The following DYTN variants were observed in gnomAD, a reference collection of about 807,000 sequenced individuals.
The protein encoded by DYTN is dystrotelin.
A neutral mutation model predicts 69.6 loss-of-function variants in DYTN; 75 were observed. The ratio of observed to expected loss-of-function variants is 1.08; its 90% confidence interval spans 0.89 to 1.31. The LOEUF (loss-of-function observed/expected upper bound fraction) is 1.31, where lower values mean the gene tolerates loss of function less well. DYTN is among the 50% of genes most tolerant of loss of function. The pLI, the probability that DYTN is intolerant of heterozygous loss-of-function variation, is 0.00. For synonymous variants in DYTN, 252 were observed against 249.1 expected (o/e 1.01, Z -0.11); for missense variants, 726 against 688.4 (o/e 1.05, Z -0.61).
At chr2:206,681,726 C>A (rs984731737) in intron 9 of DYTN, among the ~76,000 whole-genome samples, 1 of 152,080 alleles carries the variant, frequency 6.6e-6, no homozygotes, top group African/African-American at 2.4e-5. Context: ...GGGATGAAAC[C>A]AACTTGATTG....
intron 9 of DYTN, among the ~76,000 whole-genome samples, chr2:206,683,390 CTGG>C (rs1443041364): frequency 7.3e-6 from 1 of 137,794 alleles, no homozygotes; most frequent in Non-Finnish European, 1.5e-5. Flanking sequence ...GTCACCCAGG[CTGG>C]AGTGCAGTGG....
chr2:206,652,057 G>T, intron 11 of DYTN, 136 bp from the exon 12 acceptor site: 3 of 713,246 alleles, frequency 4.2e-6, no homozygotes, highest in East Asian at 2.8e-5. Flanking sequence ...CCTTAAGTTA[G>T]CCAGCAAATA....
intron 3 of DYTN, among the ~76,000 whole-genome samples, chr2:206,706,750 T>C (rs1700031538): frequency 6.6e-6 from 1 of 152,078 alleles, no homozygotes; most frequent in Non-Finnish European, 1.5e-5. Flanking sequence ...GCAGAGGAAT[T>C]GAAACCTTAC....
At chr2:206,700,670 G>A (rs1574601261) in intron 5 of DYTN, among the ~76,000 whole-genome samples, 2 of 151,554 alleles carry the variant, frequency 1.3e-5, no homozygotes, top group East Asian at 3.9e-4. Flanking sequence ...AGATATACAT[G>A]TGCCATGGTG....
At chr2:206,651,961 C>G in intron 11 of DYTN, 40 bp from the exon 12 acceptor site, 2 of 1,554,318 alleles carry the variant, frequency 1.3e-6, no homozygotes, top group East Asian at 4.5e-5. Flanking sequence ...GAGAAACATA[C>G]CGGTAGCTTC....
intron 9 of DYTN, among the ~76,000 whole-genome samples, chr2:206,682,820 C>T (rs1364000267): frequency 6.6e-6 from 1 of 152,096 alleles, no homozygotes; most frequent in Non-Finnish European, 1.5e-5. Context: ...CTGTAGCCTC[C>T]CCATCTCGGT....
At position 206,704,912 on chromosome 2, in the gene DYTN, C is replaced by T. The variant is rs749429198; in HGVS notation, c.414G>A (p.Arg138=). Reference sequence around the variant, plus strand: ...TGCGTGGCCCAGAATCATAGCCTCCCCTGCTATTTTCTGCATAGAGTTGAA... The same window carrying T: ...TGCGTGGCCCAGAATCATAGCCTCCTCTGCTATTTTCTGCATAGAGTTGAA... ...ALFQLYAENS[R]GGYDSGPRMT... is the part of the protein sequence containing the mutation. The change falls in exon 5 of 12, where the codon AGG becomes AGA. Residue 138 remains arginine, a synonymous_variant. Coordinates refer to ENST00000452335, the MANE Select transcript of DYTN (RefSeq NM_001093730.1). The T allele has an allele frequency of 1.2e-6, 2 of 1,613,774 alleles. No homozygotes were observed. Among genetic ancestry groups the T allele is most frequent in the Non-Finnish European group, 1.7e-6 (2 of 1,179,814 alleles).
At chr2:206,709,108 T>C (rs1700054801) in intron 2 of DYTN, among the ~76,000 whole-genome samples, 1 of 152,182 alleles carries the variant, frequency 6.6e-6, no homozygotes, top group Admixed American at 6.5e-5. Flanking sequence ...TACATAAAAC[T>C]GTTTTTAAAA....
intron 2 of DYTN, among the ~76,000 whole-genome samples, chr2:206,708,811 A>T (rs974723408): frequency 2.0e-5 from 3 of 152,214 alleles, no homozygotes; most frequent in Non-Finnish European, 4.4e-5. Flanking sequence ...AACATTTTTC[A>T]ACCACTGATT....
intron 1 of DYTN, among the ~76,000 whole-genome samples, chr2:206,711,135 C>T (rs1700075395): frequency 6.6e-6 from 1 of 152,210 alleles, no homozygotes; most frequent in African/African-American, 2.4e-5. Context: ...AACCACCAAA[C>T]TGTTAACAGT....
At position 206,708,423 on chromosome 2, in the gene DYTN, G is replaced by C. The variant is rs544383428; in HGVS notation, c.95-920C>G. Among the ~76,000 whole-genome samples the C allele has an allele frequency of 2.9e-4, 44 of 152,258 alleles. No homozygotes were observed. In the South Asian group the frequency reaches 7.1e-3, roughly 24 times the overall value. ...CTCTCTACTTCGTAAATCAACCTCA[G>C]ATAAGAAATCTAGCAAGTATAATAA... On this transcript the variant is annotated intron_variant, in intron 2 of 11. Transcript: ENST00000452335.
chr2:206,707,355 C>T lies in DYTN; in HGVS notation c.243G>A (p.Val81=), dbSNP rs1700037450. The change falls in exon 3 of 12, where the codon GTG becomes GTA. Residue 81 remains valine, a synonymous_variant. Coordinates refer to ENST00000452335, the MANE Select transcript of DYTN (RefSeq NM_001093730.1). Reference sequence around the variant, plus strand: ...GAGTGAGTTCCGGAGCTCTGGGATGCACTTGTCCTGGGTTTTCCTCCCTGG... The same window carrying T: ...GAGTGAGTTCCGGAGCTCTGGGATGTACTTGTCCTGGGTTTTCCTCCCTGG... ...QKAREENPGQ[V]HPRAPELTLS... 6.2e-7 allele frequency: 1 copy of T among 1,612,656 alleles called. No homozygotes were observed. The highest frequency in any genetic ancestry group is 1.3e-5 in the African/African-American group (1 of 74,874).
intron 9 of DYTN, among the ~76,000 whole-genome samples, chr2:206,667,150 A>C (rs903441435): frequency 6.6e-6 from 1 of 152,138 alleles, no homozygotes; most frequent in African/African-American, 2.4e-5. Flanking sequence ...CTCCCTCTTC[A>C]TTTAGAGTAA....
At chr2:206,668,741 T>G (rs535406406) in intron 9 of DYTN, among the ~76,000 whole-genome samples, 19 of 152,332 alleles carry the variant, frequency 1.2e-4, no homozygotes, top group Non-Finnish European at 2.6e-4. Flanking sequence ...AATTTCATCT[T>G]GAATTGTAAT....
chr2:206,708,616 G>A (rs1456830683), intron 2 of DYTN, among the ~76,000 whole-genome samples: 2 of 152,148 alleles, frequency 1.3e-5, no homozygotes, highest in East Asian at 1.9e-4. Context: ...AACACAGGCC[G>A]ATTTCATCTC....
intron 9 of DYTN, among the ~76,000 whole-genome samples, chr2:206,688,570 T>G (rs953550010): frequency 1.3e-5 from 2 of 152,210 alleles, no homozygotes; most frequent in East Asian, 3.8e-4. Flanking sequence ...AAAATTTTTT[T>G]GCCACTCTGC....
At chr2:206,685,293 C>T (rs906871250) in intron 9 of DYTN, among the ~76,000 whole-genome samples, 4 of 151,996 alleles carry the variant, frequency 2.6e-5, no homozygotes, top group Non-Finnish European at 5.9e-5. Context: ...ACCTGAATAG[C>T]GGGAACCACA....
At chr2:206,656,746 T>C (rs115892947) in intron 11 of DYTN, among the ~76,000 whole-genome samples, 2 of 151,074 alleles carry the variant, frequency 1.3e-5, no homozygotes, top group African/African-American at 2.4e-5. Flanking sequence ...TTAGTTCCCA[T>C]ACACTTTTCT....
rs769605724 is a variant in DYTN at position 206,651,793 on chromosome 2, G to T, written c.*25C>A. 1 of 1,600,496 alleles carries T rather than the reference G, an allele frequency of 6.2e-7. No homozygotes were observed. Among genetic ancestry groups the T allele is most frequent in the South Asian group, 1.1e-5 (1 of 90,756 alleles). The stretch of plus-strand genomic sequence containing the variant: ...CAACTGCATTTTGTCATCACACCAA[G>T]AGGCCTTTGAGCCTGGACTCCATTT... On this transcript the variant is annotated 3_prime_UTR_variant, in exon 12 of 12. Transcript: ENST00000452335.
Sources: gnomAD v4.1 joint callset for allele counts (sites outside exome capture counted in the v4.1 genomes callset) on GRCh38, gnomAD v4.1.1 for gene constraint, MANE v1.5 for transcripts, NCBI Gene and HGNC (gene_info 2026-07-23, HGNC 2026-07-21) for gene names.